ZFHX4: variants seen among roughly 807,000 people sequenced by gnomAD.
ZFHX4 encodes the protein zinc finger homeobox 4.
In ZFHX4, 56 loss-of-function variants were observed where a neutral mutation model predicts 267.6. The ratio of observed to expected loss-of-function variants is 0.21; its 90% CI spans 0.17 to 0.26. ZFHX4 has a LOEUF of 0.26. Among genes scored for constraint, ZFHX4 ranks in the 10% least tolerant of loss-of-function variants. The pLI, the probability that ZFHX4 is intolerant of heterozygous loss-of-function variation, is 1.00. For synonymous variants in ZFHX4, 1,778 were observed against 1,665.6 expected, an observed-to-expected ratio of 1.07 and a Z score of -1.64; for missense variants, 4,332 against 4,420.0, an observed-to-expected ratio of 0.98 and a Z score of 0.56.
chr8:76,722,646 A>G (rs1185344966), intron 3 of ZFHX4, among the ~76,000 whole-genome samples: 1 of 150,878 alleles, frequency 6.6e-6, no homozygotes, highest in Non-Finnish European at 1.5e-5. Flanking sequence ...TAGTTAATAT[A>G]TTAGTAAATG....
chr8:76,841,433 A>G (rs1322761041), intron 5 of ZFHX4, among the ~76,000 whole-genome samples: 2 of 152,180 alleles, frequency 1.3e-5, no homozygotes, highest in African/African-American at 2.4e-5. Context: ...AGCATTTGCA[A>G]TGAAAATTTT....
chr8:76,707,906 A>G lies in ZFHX4; in HGVS notation c.2951A>G (p.Asn984Ser). Residue 984 changes from asparagine to serine, a missense_variant, in exon 3 of 11, where the codon AAT becomes AGT. Around this residue, in one of 7 missense-constraint regions of ZFHX4, gnomAD observed 1,371 missense variants for 1,423.1 expected, o/e 0.96. Coordinates refer to ENST00000651372, the MANE Select transcript of ZFHX4 (RefSeq NM_024721.5). The stretch of plus-strand genomic sequence containing the variant: ...CACATTAAAGAAGGGGGCAAAAGCA[A>G]TGAGTGGAGGTTGAAGTGTATTGCC... ...VAHIKEGGKS[N>S]EWRLKCIAIG... 1.2e-6 allele frequency: 2 copies of G among 1,614,072 alleles called. No homozygotes were observed. Among genetic ancestry groups the G allele is most frequent in the Non-Finnish European group, 1.7e-6 (2 of 1,179,926 alleles).
intron 4 of ZFHX4, among the ~76,000 whole-genome samples, chr8:76,789,660 A>G (rs960631516): frequency 2.0e-5 from 3 of 152,072 alleles, no homozygotes; most frequent in Non-Finnish European, 2.9e-5. Flanking sequence ...CCAAATCTCC[A>G]TTTCAATTTG....
chr8:76,805,242 T>C (rs1219033026), intron 4 of ZFHX4, among the ~76,000 whole-genome samples: 1 of 152,068 alleles, frequency 6.6e-6, no homozygotes, highest in Non-Finnish European at 1.5e-5. Context: ...AAATGGCATA[T>C]GGCGCATAAC....
At chr8:76,725,345 C>T (rs1455054167) in intron 3 of ZFHX4, among the ~76,000 whole-genome samples, 2 of 152,114 alleles carry the variant, frequency 1.3e-5, no homozygotes, top group Non-Finnish European at 2.9e-5. Context: ...ACTACCACTT[C>T]TGCAGATCAA....
chr8:76,718,459 A>C (rs1808634789), intron 3 of ZFHX4, among the ~76,000 whole-genome samples: 1 of 151,904 alleles, frequency 6.6e-6, no homozygotes, highest in African/African-American at 2.4e-5. Flanking sequence ...AGGTAATTTA[A>C]AAAACCCGCA....
At chr8:76,848,908 A>T in intron 6 of ZFHX4, 87 bp from the exon 7 acceptor site, 1 of 1,278,754 alleles carries the variant, frequency 7.8e-7, no homozygotes, top group South Asian at 1.8e-5. Context: ...CAGTGTGTTT[A>T]GAGTCGCAAA....
At position 76,828,123 on chromosome 8, in the gene ZFHX4, T is replaced by C. The variant is rs77526999; in HGVS notation, c.3326-5215T>C. Among the ~76,000 whole-genome samples the C allele has an allele frequency of 2.8e-3, 421 of 152,348 alleles. 1 individual carries two copies. The highest frequency in any genetic ancestry group is 4.2e-3 in the Non-Finnish European group (287 of 68,026). ...GTGAACTTGCTTTATCTGAACACAC[T>C]GACTTGACTTTTGCAATGCCAAGAC... On this transcript the variant is annotated intron_variant, in intron 4 of 10. Coordinates refer to ENST00000651372, the MANE Select transcript of ZFHX4 (RefSeq NM_024721.5).
chr8:76,768,776 T>C (rs568309016), intron 3 of ZFHX4, among the ~76,000 whole-genome samples: 11 of 152,132 alleles, frequency 7.2e-5, no homozygotes, highest in Non-Finnish European at 1.5e-4. Flanking sequence ...GAATCTTAAT[T>C]TATGAGTGAT....
chr8:76,827,836 G>A (rs1811827244), intron 4 of ZFHX4, among the ~76,000 whole-genome samples: 1 of 152,152 alleles, frequency 6.6e-6, no homozygotes, highest in African/African-American at 2.4e-5. Flanking sequence ...GCAGGGCAAA[G>A]GAGCTTTACT....
chr8:76,702,359 G>A (rs1808127271), intron 1 of ZFHX4, among the ~76,000 whole-genome samples: 1 of 152,094 alleles, frequency 6.6e-6, no homozygotes, highest in African/African-American at 2.4e-5. Context: ...TTTCTAAACT[G>A]ATCACTTTCT....
In ZFHX4 at chr8:76,725,107, T is replaced by C. The variant is rs970152183; in HGVS notation, c.3093+17059T>C. 7.2e-5 allele frequency among the ~76,000 whole-genome samples: 11 copies of C among 152,248 alleles called. No individual in the cohort carries two copies. In the East Asian group the frequency reaches 1.7e-3, roughly 24 times the overall value. On this transcript the variant is annotated intron_variant, in intron 3 of 10. Transcript: ENST00000651372. ...GAACTCTGTATTGTATGTTCTATAA[T>C]TGGACAATTTTCTTTAATTATAACC...
chr8:76,810,855 T>G (rs2131844109), intron 4 of ZFHX4, among the ~76,000 whole-genome samples: 1 of 152,268 alleles, frequency 6.6e-6, no homozygotes, highest in South Asian at 2.1e-4. Flanking sequence ...AGAGGCACTT[T>G]AAAAAGGAAA....
intron 5 of ZFHX4, among the ~76,000 whole-genome samples, chr8:76,839,100 A>AGAGAGAGAGAGAGAGAG (rs1491427018): frequency 7.3e-6 from 1 of 137,766 alleles, no homozygotes; most frequent in African/African-American, 2.8e-5. Context: ...AGAGAGAGAG[A>AGAGAGAGAGAGAGAGAG]AGGACAATGG....
intron 3 of ZFHX4, among the ~76,000 whole-genome samples, chr8:76,748,703 G>C (rs895162406): frequency 1.3e-5 from 2 of 152,024 alleles, no homozygotes; most frequent in African/African-American, 4.8e-5. Flanking sequence ...CTCAAAGCGT[G>C]TCTTTTCTTT....
At chr8:76,739,166 C>A (rs2131678904) in intron 3 of ZFHX4, among the ~76,000 whole-genome samples, 1 of 152,286 alleles carries the variant, frequency 6.6e-6, no homozygotes, top group Admixed American at 6.5e-5. Context: ...CTGTCATAGA[C>A]AACAGGGTTA....
At chr8:76,731,526 TA>T (rs1809011434) in intron 3 of ZFHX4, among the ~76,000 whole-genome samples, 1 of 152,198 alleles carries the variant, frequency 6.6e-6, no homozygotes, top group Admixed American at 6.5e-5. Flanking sequence ...CTATTAGCAG[TA>T]CATGGCCAGT....
intron 10 of ZFHX4, 136 bp from the exon 11 acceptor site, chr8:76,862,958 G>T (rs1322070264): frequency 2.3e-6 from 3 of 1,281,794 alleles, no homozygotes; most frequent in Non-Finnish European, 3.0e-6. Flanking sequence ...TGGTGATCAT[G>T]AATTTCCTAT....
intron 5 of ZFHX4, 46 bp downstream of exon 5, chr8:76,833,452 A>T: frequency 2.0e-6 from 3 of 1,466,730 alleles, no homozygotes; most frequent in African/African-American, 2.8e-5. Flanking sequence ...GTCCTAAATG[A>T]GTTGCTTTTG....
Sources: allele counts gnomAD v4.1 joint callset (sites outside exome capture counted in the v4.1 genomes callset), GRCh38; gene constraint gnomAD v4.1.1; regional missense constraint gnomAD v4.1.1; transcripts MANE v1.5; gene names NCBI Gene and HGNC (gene_info 2026-07-23, HGNC 2026-07-21).